Variants in ANKRD18A observed in about 807,000 individuals in gnomAD.
ANKRD18A encodes ankyrin repeat domain-containing protein 18A.
A neutral mutation model predicts 110.6 loss-of-function variants in ANKRD18A; 72 were observed. The observed-to-expected ratio is 0.65, with a 90% CI of 0.54 to 0.79. The LOEUF (loss-of-function observed/expected upper bound fraction) is 0.79. Ranked by LOEUF, ANKRD18A falls within the 30% of genes least tolerant of loss-of-function variation. The pLI is 0.00. For synonymous variants in ANKRD18A, 305 were observed against 410.3 expected (o/e 0.74, Z 3.10); for missense variants, 934 against 1,163.3 (o/e 0.80, Z 2.87).
At chr9:38,572,779 G>A (rs1296500794) in intron 15 of ANKRD18A, 4 of 172,062 alleles carry the variant, frequency 2.3e-5, no homozygotes, top group Admixed American at 6.3e-5. Flanking sequence ...TTGGAGAATC[G>A]TTTCAGTGTG....
At chr9:38,593,533 C>G (rs1409560112) in intron 10 of ANKRD18A, among the ~76,000 whole-genome samples, 2 of 152,184 alleles carry the variant, frequency 1.3e-5, no homozygotes, top group Non-Finnish European at 2.9e-5. Flanking sequence ...TTATTCTCAA[C>G]TTTCCCAAGT....
intron 9 of ANKRD18A, among the ~76,000 whole-genome samples, chr9:38,594,148 A>G (rs1484918774): frequency 6.6e-6 from 1 of 152,166 alleles, no homozygotes; most frequent in Non-Finnish European, 1.5e-5. Flanking sequence ...CTATTCACTC[A>G]CCTTAGACCC....
At chr9:38,583,604 G>T (rs1014101898) in intron 12 of ANKRD18A, among the ~76,000 whole-genome samples, 1 of 152,080 alleles carries the variant, frequency 6.6e-6, no homozygotes, top group Non-Finnish European at 1.5e-5. Context: ...TGGCCAGGAT[G>T]CTCTCGAACT....
intron 10 of ANKRD18A, among the ~76,000 whole-genome samples, chr9:38,588,884 A>G (rs576753016): frequency 6.6e-6 from 1 of 152,328 alleles, no homozygotes; most frequent in South Asian, 2.1e-4. Flanking sequence ...TGAAATTTAA[A>G]CTGCCAAAAA....
intron 8 of ANKRD18A, among the ~76,000 whole-genome samples, chr9:38,597,653 C>T (rs555833384): frequency 4.6e-5 from 7 of 152,212 alleles, no homozygotes; most frequent in African/African-American, 1.7e-4. Flanking sequence ...TCAAATTTGT[C>T]AAATAAATTA....
Position 38,611,258 on chromosome 9 carries a change from A to G in ANKRD18A, c.559T>C (p.Leu187=), listed in dbSNP as rs1825607955. 6.5e-7 allele frequency: 1 copy of G among 1,531,674 alleles called. No individual in the cohort carries two copies. The highest frequency in any genetic ancestry group is 8.8e-7 in the Non-Finnish European group (1 of 1,140,806). The allele number at this position is 1,531,674 out of a possible 1,614,324, so 94.9% of individuals were successfully genotyped here. A position where few individuals can be genotyped will look rare whatever the true frequency, so the allele number is the denominator to read the frequency against. The change falls in exon 4 of 16, where the codon TTG becomes CTG. Residue 187 remains leucine, a synonymous_variant. Coordinates refer to ENST00000399703, the MANE Select transcript of ANKRD18A (RefSeq NM_147195.4). The part of the protein sequence containing the change: ...SRRQHMVEFL[L]KNQANIHAVD... ...GCATGTATATTTGCCTGGTTCTTCA[A>G]TAAAAATTCCACCATATGCTGTCTC... is the stretch of plus-strand genomic sequence containing the variant.
At chr9:38,587,517 G>A (rs946577058) in intron 11 of ANKRD18A, among the ~76,000 whole-genome samples, 1 of 151,890 alleles carries the variant, frequency 6.6e-6, no homozygotes, top group Admixed American at 6.6e-5. Flanking sequence ...ATACAATGGA[G>A]GTACCCATGT....
At chr9:38,601,334 T>C (rs146495784) in intron 7 of ANKRD18A, 130 bp from the exon 8 acceptor site, 11,633 of 962,196 alleles carry the variant, frequency 0.012, 105 homozygotes, top group Middle Eastern at 0.017. Flanking sequence ...CTGGAATATT[T>C]ACATTTTTAA....
chr9:38,590,224 A>T, intron 10 of ANKRD18A, among the ~76,000 whole-genome samples: 2 of 121,490 alleles, frequency 1.6e-5, no homozygotes, highest in Non-Finnish European at 1.8e-5. Flanking sequence ...TCTTTTTTGT[A>T]CCAGTATATT....
At chr9:38,594,077 T>C (rs543107606) in intron 9 of ANKRD18A, among the ~76,000 whole-genome samples, 168 bp from the exon 10 acceptor site, 3 of 152,318 alleles carry the variant, frequency 2.0e-5, no homozygotes, top group Admixed American at 1.3e-4. Flanking sequence ...GTGAGGGACA[T>C]AGAAGGTGTT....
At chr9:38,582,955 C>T (rs979962008) in intron 12 of ANKRD18A, among the ~76,000 whole-genome samples, 2 of 152,036 alleles carry the variant, frequency 1.3e-5, no homozygotes, top group African/African-American at 2.4e-5. Flanking sequence ...TATAAAGAAC[C>T]CTTGCCATTC....
intron 9 of ANKRD18A, 25 bp downstream of exon 9, chr9:38,595,461 A>G: frequency 7.0e-7 from 1 of 1,436,262 alleles, no homozygotes; most frequent in Non-Finnish European, 9.2e-7. Context: ...TCTTTCCAGA[A>G]GTTTATAGTT....
chr9:38,576,758 TG>T (rs1823911762), intron 14 of ANKRD18A, among the ~76,000 whole-genome samples: 1 of 152,134 alleles, frequency 6.6e-6, no homozygotes, highest in African/African-American at 2.4e-5. Flanking sequence ...ATCACTTTAT[TG>T]ATCATAAAGC....
chr9:38,579,236 A>G (rs999205596), intron 12 of ANKRD18A, among the ~76,000 whole-genome samples: 4 of 152,226 alleles, frequency 2.6e-5, no homozygotes, highest in African/African-American at 9.6e-5. Context: ...TTATCAAACT[A>G]TTATAAGTAA....
chr9:38,589,835 A>G (rs1215089073), intron 10 of ANKRD18A, among the ~76,000 whole-genome samples: 1 of 151,986 alleles, frequency 6.6e-6, no homozygotes, highest in Non-Finnish European at 1.5e-5. Context: ...CCTGGCTGCT[A>G]CTCCTCTTTT....
chr9:38,607,643 T>C, intron 5 of ANKRD18A, 150 bp from the exon 6 acceptor site: 2 of 521,120 alleles, frequency 3.8e-6, no homozygotes, highest in Non-Finnish European at 6.2e-6. Context: ...TTAAGCTCTA[T>C]AAACTTATTA....
intron 6 of ANKRD18A, among the ~76,000 whole-genome samples, chr9:38,605,986 G>A (rs1456100342): frequency 6.6e-6 from 1 of 152,144 alleles, no homozygotes; most frequent in Non-Finnish European, 1.5e-5. Context: ...AACACAGCTT[G>A]TTCTAAGAAG....
chr9:38,566,412 T>A (rs1397238345), downstream of ANKRD18A: 2 of 152,234 alleles, frequency 1.3e-5, no homozygotes, highest in African/African-American at 4.8e-5. Context: ...GAAAGCTTCT[T>A]ATTTCTATCT....
chr9:38,609,541 C>T (rs537971004), intron 5 of ANKRD18A, among the ~76,000 whole-genome samples: 102 of 151,862 alleles, frequency 6.7e-4, no homozygotes, highest in Non-Finnish European at 1.2e-3. Flanking sequence ...TATGAGTCAC[C>T]ATGAAGAGTG....
Sources: allele counts gnomAD v4.1 joint callset (sites outside exome capture counted in the v4.1 genomes callset), GRCh38; gene constraint gnomAD v4.1.1; transcripts MANE v1.5; gene names NCBI Gene and HGNC (gene_info 2026-07-23, HGNC 2026-07-21).